The following CRLF1 variants were observed in gnomAD, a reference collection of about 807,000 sequenced individuals.
CRLF1 encodes cytokine receptor like factor 1, also known as cytokine receptor-like factor 1.
In CRLF1, 36 loss-of-function variants were observed where a neutral mutation model predicts 48.9. The observed-to-expected ratio is 0.74, with a 90% CI of 0.56 to 0.97. CRLF1 has a LOEUF of 0.97. CRLF1 is among the 50% of genes least tolerant of loss of function. The probability of loss-of-function intolerance (pLI) is 0.00; values close to 1 mark genes in which losing one functional copy is unlikely to be tolerated. For synonymous variants in CRLF1, 256 were observed against 253.4 expected (o/e 1.01, Z -0.10); for missense variants, 534 against 575.1 (o/e 0.93, Z 0.73).
intron 6 of CRLF1, among the ~76,000 whole-genome samples, chr19:18,596,293 C>G (rs559959298): frequency 1.4e-3 from 214 of 152,244 alleles, no homozygotes; most frequent in African/African-American, 5.0e-3. Context: ...AATCCCAGCA[C>G]TTTGGGAGGC....
At position 18,598,609 on chromosome 19, in the gene CRLF1, G is replaced by T; in HGVS notation, c.528-8C>A. On this transcript the variant is annotated splice_region_variant and splice_polypyrimidine_tract_variant and intron_variant, in intron 3 of 8. Coordinates refer to ENST00000392386, the MANE Select transcript of CRLF1 (RefSeq NM_004750.5). The stretch of plus-strand genomic sequence containing the variant: ...TTGTCCTGGCCATACCACCTGCGGG[G>T]ATGGGAGGGCGACAGGACGCATGAG... The T allele has an allele frequency of 6.2e-7, 1 of 1,614,026 alleles. No homozygotes were observed. Among genetic ancestry groups the T allele is most frequent in the Non-Finnish European group, 8.5e-7 (1 of 1,179,974 alleles).
Position 18,606,124 on chromosome 19 carries a change from G to GGGGGGCCCGCT in CRLF1, c.115+407_115+417dup, listed in dbSNP as rs981404490. 6.6e-6 allele frequency among the ~76,000 whole-genome samples: 1 copy of GGGGGGCCCGCT among 151,442 alleles called. No homozygotes were observed. Among genetic ancestry groups the GGGGGGCCCGCT allele is most frequent in the Non-Finnish European group, 1.5e-5 (1 of 67,714 alleles). ...CCCGTGGGGCTCATCCCTCCGCCTGGGGGGGCCCGCTGGGGGCCCGCACCC... is the reference window on the plus strand; with the variant it reads ...CCCGTGGGGCTCATCCCTCCGCCTGGGGGGGCCCGCTGGGGGCCCGCTGGGGGCCCGCACCC... On this transcript the variant is annotated intron_variant, in intron 1 of 8. Transcript: ENST00000392386. This position sits in a 1 kb window ranked among gnomAD's most constrained non-coding sequence, Gnocchi z 4.8.
intron 1 of CRLF1, among the ~76,000 whole-genome samples, chr19:18,604,877 C>T (rs1410103593): frequency 6.6e-6 from 1 of 152,168 alleles, no homozygotes; most frequent in Admixed American, 6.5e-5. Context: ...AATCTGGAGC[C>T]ACTGCCGTTA....
chr19:18,593,238 C>T lies in CRLF1; in HGVS notation c.*328G>A, dbSNP rs1380874713. ...CCCAAACTCACCTTCACAATCACAG[C>T]ACCTAAATAGCTCATTTATTTAAAA... On this transcript the variant is annotated 3_prime_UTR_variant, in exon 9 of 9. Transcript: ENST00000392386. The T allele has an allele frequency of 8.6e-6, 3 of 347,792 alleles. No homozygotes were observed. The highest frequency in any genetic ancestry group is 5.2e-5 in the East Asian group (1 of 19,084). The allele number at this position is 347,792 out of a possible 1,614,324, so 21.5% of individuals were successfully genotyped here.
chr19:18,604,484 C>T (rs898501260), intron 1 of CRLF1, among the ~76,000 whole-genome samples: 1 of 152,236 alleles, frequency 6.6e-6, no homozygotes, highest in African/African-American at 2.4e-5. Flanking sequence ...ATACGTTCTA[C>T]TTGCTGGGGA....
At chr19:18,605,142 G>GC (rs368248941) in intron 1 of CRLF1, among the ~76,000 whole-genome samples, 58 of 149,932 alleles carry the variant, frequency 3.9e-4, no homozygotes, top group Middle Eastern at 3.4e-3. Context: ...CACTTACAGT[G>GC]CCCCCCCACC....
At chr19:18,594,030 G>GCGGGGCC in intron 8 of CRLF1, 35 bp downstream of exon 8, 2 of 1,315,314 alleles carry the variant, frequency 1.5e-6, no homozygotes, top group Non-Finnish European at 2.1e-6. Context: ...CCCTCCCCTT[G>GCGGGGCC]CTCCCTCCCG....
In CRLF1 at chr19:18,596,789, A is replaced by T; in HGVS notation, c.857T>A (p.Val286Glu). 1 of 1,612,968 alleles carries T rather than the reference A, an allele frequency of 6.2e-7. No homozygotes were observed. Among genetic ancestry groups the T allele is most frequent in the Non-Finnish European group, 8.5e-7 (1 of 1,179,770 alleles). The part of the protein sequence containing the change: ...YRVEDSVDWK[V>E]VDDVSNQTSC... ...GGTCTGGTTGCTCACATCGTCCACC[A>T]CCTGGACAGTGAGGACAAGGTCAGA... The change falls in exon 6 of 9, where the codon GTG (valine) becomes GAG (glutamate). Residue 286 changes from valine to glutamate, a missense_variant and splice_region_variant. Val to Glu is a moderately radical substitution (Grantham distance 121). Transcript: ENST00000392386.
At chr19:18,597,203 T>C (rs1423461730) in intron 4 of CRLF1, among the ~76,000 whole-genome samples, 154 bp from the exon 5 acceptor site, 1 of 36,388 alleles carries the variant, frequency 2.7e-5, no homozygotes, top group Non-Finnish European at 7.9e-5. Context: ...GATTACACGA[T>C]ATATAATATT....
intron 6 of CRLF1, 22 bp downstream of exon 6, chr19:18,596,600 C>G (rs532927701): frequency 1.2e-6 from 2 of 1,610,868 alleles, no homozygotes; most frequent in Non-Finnish European, 1.7e-6. Context: ...GCTGGATCAC[C>G]CAGCCCTAGG....
rs745875637 is a variant in CRLF1 at position 18,594,398 on chromosome 19, C to A, written c.1061G>T (p.Arg354Leu). 3 of 1,572,284 alleles carry A rather than the reference C, an allele frequency of 1.9e-6. No homozygotes were observed. The highest frequency in any genetic ancestry group is 1.1e-5 in the South Asian group (1 of 87,616). Reference protein sequence around the residue: ...PGPGGGACEPRGGEPSSGPVR... With the variant: ...PGPGGGACEPLGGEPSSGPVR... Reference sequence around the variant, plus strand: ...CGGCCCCGAGCTCGGCTCTCCGCCCCGCGGTTCGCACGCCCCGCCGCCCGG... The same window carrying A: ...CGGCCCCGAGCTCGGCTCTCCGCCCAGCGGTTCGCACGCCCCGCCGCCCGG... Residue 354 changes from arginine (R) to leucine (L), a missense_variant, in exon 7 of 9, where the codon CGG becomes CTG. Coordinates refer to ENST00000392386, the MANE Select transcript of CRLF1 (RefSeq NM_004750.5).
In CRLF1 at chr19:18,597,201, GATAT is replaced by G. The variant is rs67567163; in HGVS notation, c.698-156_698-153del. 370,014 of 703,038 alleles carry G rather than the reference GATAT, an allele frequency of 0.53. 101,673 individuals carry two copies. Among genetic ancestry groups the G allele is most frequent in the East Asian group, 0.61 (22,449 of 36,618 alleles). 43.5% of individuals were successfully genotyped at this position (703,038 alleles called of 1,614,324 possible). On this transcript the variant is annotated intron_variant, in intron 4 of 8. Coordinates refer to ENST00000392386, the MANE Select transcript of CRLF1 (RefSeq NM_004750.5). Reference sequence around the variant, plus strand: ...CACCCCCAGGACTGGTGGATTACACGATATATAATATTGGAGAAACACTCAGCAC... The same window carrying G: ...CACCCCCAGGACTGGTGGATTACACGATAATATTGGAGAAACACTCAGCAC...
At chr19:18,596,854 GA>G in intron 5 of CRLF1, 37 bp downstream of exon 5, 1 of 1,613,580 alleles carries the variant, frequency 6.2e-7, no homozygotes, top group Admixed American at 1.7e-5. Context: ...GCGGGGCCTG[GA>G]AGGAACAGGG....
At chr19:18,604,692 G>GAAC (rs1325776395) in intron 1 of CRLF1, among the ~76,000 whole-genome samples, 9 of 152,268 alleles carry the variant, frequency 5.9e-5, no homozygotes, top group African/African-American at 2.2e-4. Flanking sequence ...GAGCAGCTGG[G>GAAC]AACAGCCCAC....
At chr19:18,604,029 G>A (rs1424846690) in intron 1 of CRLF1, among the ~76,000 whole-genome samples, 8 of 152,142 alleles carry the variant, frequency 5.3e-5, no homozygotes, top group African/African-American at 1.9e-4. Context: ...TCCTGCCTGG[G>A]CCCCCCCAAC....
intron 1 of CRLF1, among the ~76,000 whole-genome samples, chr19:18,601,822 G>A (rs1976225126): frequency 6.6e-6 from 1 of 152,186 alleles, no homozygotes; most frequent in African/African-American, 2.4e-5. Flanking sequence ...TCTGAAAGAT[G>A]GAGTTTCCTT....
At chr19:18,595,025 AGCATGGGCCCATGGGACAGGGAGTG>A (rs1311452846) in intron 6 of CRLF1, among the ~76,000 whole-genome samples, 1 of 152,148 alleles carries the variant, frequency 6.6e-6, no homozygotes, top group Non-Finnish European at 1.5e-5. Flanking sequence ...GACTGTCCCC[AGCATGGGCCCATGGGACAGGGAGTG>A]GGCCAGGAGG....
intron 1 of CRLF1, among the ~76,000 whole-genome samples, chr19:18,600,748 C>G (rs181570735): frequency 6.6e-6 from 1 of 152,246 alleles, no homozygotes; most frequent in African/African-American, 2.4e-5. Context: ...ATCCACCTCC[C>G]TCGGCCTCTC....
intron 6 of CRLF1, among the ~76,000 whole-genome samples, chr19:18,594,889 C>T (rs1976110526): frequency 6.6e-6 from 1 of 152,046 alleles, no homozygotes; most frequent in South Asian, 2.1e-4. Context: ...GGGTGTCAGC[C>T]CAGGAGGAAA....
Sources: allele counts gnomAD v4.1 joint callset (sites outside exome capture counted in the v4.1 genomes callset), GRCh38; gene constraint gnomAD v4.1.1; non-coding constraint Gnocchi (gnomAD v3.1); transcripts MANE v1.5; gene names NCBI Gene and HGNC (gene_info 2026-07-23, HGNC 2026-07-21).